The following MYH9 variants were observed in gnomAD, a reference collection of about 807,000 sequenced individuals.
MYH9 encodes the protein myosin heavy chain 9.
MYH9 carries 29 observed loss-of-function variants against 241.9 expected under a neutral mutation model. That is an observed-to-expected ratio of 0.12 (90% CI 0.09 to 0.16). MYH9 has a LOEUF of 0.16. Ranked by LOEUF, MYH9 falls within the 10% of genes least tolerant of loss-of-function variation. The pLI, the probability that MYH9 is intolerant of heterozygous loss-of-function variation, is 1.00. For synonymous variants in MYH9, 1,047 were observed against 1,062.6 expected (o/e 0.99, Z 0.29); for missense variants, 1,803 against 2,595.5 (o/e 0.69, Z 6.63).
chr22:36,281,964 G>C lies in MYH9; in HGVS notation c.*704C>G, dbSNP rs184752589. ...AGCCTTGCTGTGGCAGAGGCAGGCT[G>C]TCCTCGGTAAAGGAGGGGAGGGGGC... On this transcript the variant is annotated 3_prime_UTR_variant, in exon 41 of 41. Transcript: ENST00000216181. 183 of 233,164 alleles carry C rather than the reference G, an allele frequency of 7.8e-4. 3 individuals carry two copies. Among genetic ancestry groups the C allele is most frequent in the Non-Finnish European group, 1.4e-4 (17 of 117,794 alleles). The allele number at this position is 233,164 out of a possible 1,614,324, so 14.4% of individuals were successfully genotyped here. A position where few individuals can be genotyped will look rare whatever the true frequency, so the allele number is the denominator to read the frequency against.
At chr22:36,350,405 C>A (rs925494866) in intron 1 of MYH9, among the ~76,000 whole-genome samples, 4 of 152,212 alleles carry the variant, frequency 2.6e-5, no homozygotes, top group Admixed American at 2.6e-4. Context: ...GGCGTGGTGG[C>A]GCATGCCTGT....
intron 14 of MYH9, among the ~76,000 whole-genome samples, chr22:36,311,846 A>G (rs1003463616): frequency 6.6e-6 from 1 of 152,194 alleles, no homozygotes; most frequent in Non-Finnish European, 1.5e-5. Flanking sequence ...TTCTAACAGC[A>G]TGGAGCAGGT....
At chr22:36,371,296 G>C (rs1352384624) in intron 1 of MYH9, among the ~76,000 whole-genome samples, 1 of 152,150 alleles carries the variant, frequency 6.6e-6, no homozygotes, top group African/African-American at 2.4e-5. Flanking sequence ...TAATCCCATG[G>C]CTGGTGTCCT....
rs1168683455 is a variant in MYH9, at chr22:36,288,245, C to T, written c.4932+7G>A. ...CCCACCCTCACCTGGGCCCCGCCCA[C>T]CCTTACCTGCAGCTTCCGCAGCTGT... is the stretch of plus-strand genomic sequence containing the variant. On this transcript the variant is annotated splice_region_variant and intron_variant, in intron 34 of 40. Transcript: ENST00000216181. The surrounding 1 kb of genome is among the most constrained non-coding windows in gnomAD (Gnocchi z 4.8). 2.5e-6 allele frequency: 4 copies of T among 1,613,750 alleles called. No homozygotes were observed. The highest frequency in any genetic ancestry group is 2.5e-6 in the Non-Finnish European group (3 of 1,179,980).
intron 1 of MYH9, among the ~76,000 whole-genome samples, chr22:36,370,011 T>C (rs1230624999): frequency 6.6e-6 from 1 of 152,214 alleles, no homozygotes; most frequent in Non-Finnish European, 1.5e-5. Flanking sequence ...CTGAAATTTT[T>C]AAACAGATAA....
At position 36,320,205 on chromosome 22, in the gene MYH9, G is replaced by A; in HGVS notation, c.1012+15C>T. The A allele has an allele frequency of 6.2e-7, 1 of 1,614,058 alleles. No homozygotes were observed. Among genetic ancestry groups the A allele is most frequent in the Non-Finnish European group, 8.5e-7 (1 of 1,180,016 alleles). The stretch of plus-strand genomic sequence containing the variant: ...CTCTGCCCCACACTCGACCATAGGA[G>A]GGCCAGCCCTGTACCCATTTGCTCC... On this transcript the variant is annotated intron_variant, in intron 9 of 40. Transcript: ENST00000216181. The surrounding 1 kb of genome is among the most constrained non-coding windows in gnomAD (Gnocchi z 4.8).
At chr22:36,374,099 C>T (rs531472365) in intron 1 of MYH9, among the ~76,000 whole-genome samples, 11 of 151,668 alleles carry the variant, frequency 7.3e-5, no homozygotes, top group African/African-American at 1.2e-4. Flanking sequence ...AACAGAAGAA[C>T]TGGCTGGGCG....
chr22:36,306,537 C>G lies in MYH9; in HGVS notation c.1914G>C (p.Thr638=), dbSNP rs746721328. 2 of 1,614,112 alleles carry G rather than the reference C, an allele frequency of 1.2e-6. No individual in the cohort carries two copies. Among genetic ancestry groups the G allele is most frequent in the Non-Finnish European group, 1.7e-6 (2 of 1,180,046 alleles). The change falls in exon 16 of 41, where the codon ACG becomes ACC. Residue 638 remains threonine (T), a synonymous_variant. Coordinates refer to ENST00000216181, the MANE Select transcript of MYH9 (RefSeq NM_002473.6). The surrounding 1 kb of genome is among the most constrained non-coding windows in gnomAD (Gnocchi z 4.1). ...CCACAGTGCGGAACATGCCCTTCCG[C>G]GTCTTGAAGGCCCCGGGCAGTGCGG... ...SETALPGAFK[T]RKGMFRTVGQ...
intron 2 of MYH9, among the ~76,000 whole-genome samples, chr22:36,346,609 T>C (rs1444540482): frequency 1.3e-5 from 2 of 152,134 alleles, no homozygotes; most frequent in South Asian, 2.1e-4. Flanking sequence ...ATCTTTTTTC[T>C]TTTTTTTGTT....
At chr22:36,377,789 T>C (rs1267182930) in intron 1 of MYH9, among the ~76,000 whole-genome samples, 1 of 152,030 alleles carries the variant, frequency 6.6e-6, no homozygotes, top group Non-Finnish European at 1.5e-5. Flanking sequence ...GGGCACCTTG[T>C]AGTCTCAGCT....
chr22:36,297,391 G>T, intron 24 of MYH9: 1 of 228,852 alleles, frequency 4.4e-6, no homozygotes. Context: ...TCCACAGTTG[G>T]AATCGCACGG....
Position 36,305,034 on chromosome 22 carries a change from A to G in MYH9, c.2228T>C (p.Met743Thr). 6.2e-7 allele frequency: 1 copy of G among 1,613,786 alleles called. No individual in the cohort carries two copies. Among genetic ancestry groups the G allele is most frequent in the Non-Finnish European group, 8.5e-7 (1 of 1,179,808 alleles). Residue 743 changes from methionine (M) to threonine (T), a missense_variant and splice_region_variant, in exon 18 of 41, where the codon ATG becomes ACG. By Grantham distance (81) the Met-to-Thr change is moderately conservative. Around this residue, in one of 11 missense-constraint regions of MYH9, gnomAD observed 163 missense variants for 349.7 expected, o/e 0.47. Transcript: ENST00000216181. The surrounding 1 kb of genome is among the most constrained non-coding windows in gnomAD (Gnocchi z 4.7). ...GGCAGGGACAGCAGCTCAACTCACC[A>G]TGAGCACGCACGCCTGCTTCCCGTC... ...FMDGKQACVL[M>T]IKALELDSNL...
intron 1 of MYH9, among the ~76,000 whole-genome samples, chr22:36,358,307 C>T (rs572332774): frequency 1.3e-5 from 2 of 152,168 alleles, no homozygotes; most frequent in African/African-American, 2.4e-5. Context: ...TCAGGCAATC[C>T]GCCCGCCTTG....
At chr22:36,363,466 AG>A (rs1251451344) in intron 1 of MYH9, among the ~76,000 whole-genome samples, 1 of 152,224 alleles carries the variant, frequency 6.6e-6, no homozygotes, top group Non-Finnish European at 1.5e-5. Flanking sequence ...AGAGGGAGGC[AG>A]GAAGGAGGGA....
At chr22:36,315,077 C>A (rs899561381) in intron 12 of MYH9, among the ~76,000 whole-genome samples, 1 of 152,158 alleles carries the variant, frequency 6.6e-6, no homozygotes, top group Non-Finnish European at 1.5e-5. Context: ...AGCCACCGCA[C>A]CCGGCCTCTG....
rs755328956 is a variant in MYH9, at chr22:36,322,510, C to T, written c.624G>A (p.Glu208=). 1 of 1,613,712 alleles carries T rather than the reference C, an allele frequency of 6.2e-7. No homozygotes were observed. The highest frequency in any genetic ancestry group is 8.5e-7 in the Non-Finnish European group (1 of 1,179,966). ...HKSKKDQGEL[E]RQLLQANPIL... ...TGGGGTTGGCCTGCAGCAGCTGCCGCTCCAGCTCGCCCTGCAAGGAACCCA... is the reference window on the plus strand; with the variant it reads ...TGGGGTTGGCCTGCAGCAGCTGCCGTTCCAGCTCGCCCTGCAAGGAACCCA... The change falls in exon 6 of 41, where the codon GAG becomes GAA. Residue 208 remains glutamate (E), a synonymous_variant. Transcript: ENST00000216181.
chr22:36,305,739 G>A lies in MYH9; in HGVS notation c.2159+191C>T, dbSNP rs1326820014. Among the ~76,000 whole-genome samples, 1 of 152,220 alleles carries A rather than the reference G, an allele frequency of 6.6e-6. No individual in the cohort carries two copies. Among genetic ancestry groups the A allele is most frequent in the Non-Finnish European group, 1.5e-5 (1 of 68,050 alleles). On this transcript the variant is annotated intron_variant, in intron 17 of 40. Coordinates refer to ENST00000216181, the MANE Select transcript of MYH9 (RefSeq NM_002473.6). This position sits in a 1 kb window ranked among gnomAD's most constrained non-coding sequence, Gnocchi z 4.7. ...TGACCTGCATTTCGGTATTAAAATGGGGAAGTCTCCTTTCCTGCAAAGGGT... is the reference window on the plus strand; with the variant it reads ...TGACCTGCATTTCGGTATTAAAATGAGGAAGTCTCCTTTCCTGCAAAGGGT...
intron 38 of MYH9, 21 bp from the exon 39 acceptor site, chr22:36,284,532 C>G (rs777350144): frequency 6.2e-7 from 1 of 1,609,142 alleles, no homozygotes; most frequent in Non-Finnish European, 8.5e-7. Flanking sequence ...GACAAGGTGG[C>G]TCAGAGGGAA....
intron 2 of MYH9, among the ~76,000 whole-genome samples, chr22:36,345,558 G>A (rs1424574909): frequency 6.6e-6 from 1 of 152,210 alleles, no homozygotes; most frequent in African/African-American, 2.4e-5. Context: ...ATCCCAGACA[G>A]TGAGGCTGCA....
Sources: allele counts gnomAD v4.1 joint callset (sites outside exome capture counted in the v4.1 genomes callset), GRCh38; gene constraint gnomAD v4.1.1; regional missense constraint gnomAD v4.1.1; non-coding constraint Gnocchi (gnomAD v3.1); transcripts MANE v1.5; gene names NCBI Gene and HGNC (gene_info 2026-07-23, HGNC 2026-07-21).